The following UNC5C variants were observed in gnomAD, a reference collection of about 807,000 sequenced individuals.
UNC5C encodes the protein unc-5 netrin receptor C.
Under a neutral mutation model 99.8 loss-of-function variants are expected in UNC5C, and 47 were observed. The observed-to-expected ratio is 0.47, with a 90% CI of 0.37 to 0.60. The LOEUF is 0.60. UNC5C is among the 20% of genes least tolerant of loss of function. The pLI, the probability that UNC5C is intolerant of heterozygous loss-of-function variation, is 0.00. For missense variants in UNC5C, 1,062 were observed against 1,165.9 expected, an observed-to-expected ratio of 0.91 and a Z score of 1.30; for synonymous variants, 487 against 452.2, an observed-to-expected ratio of 1.08 and a Z score of -0.98.
chr4:95,278,435 T>C, intron 3 of UNC5C, 73 bp from the exon 4 acceptor site: 2 of 1,254,816 alleles, frequency 1.6e-6, no homozygotes, highest in Non-Finnish European at 2.3e-6. Context: ...GTACAAAAAA[T>C]TTTCTGGCTT....
chr4:95,254,921 G>A (rs138397806), intron 4 of UNC5C, among the ~76,000 whole-genome samples: 18 of 151,780 alleles, frequency 1.2e-4, no homozygotes, highest in Non-Finnish European at 2.1e-4. Context: ...TACTGTCAAT[G>A]CTCTCATCCC....
rs926281740 is a variant in UNC5C, at chr4:95,166,810, G to A, written c.*2424C>T. ...CTCCTCCTCCTTTTAAAAAATGTGT[G>A]TGTATAACTGCGTGTATATATATTT... On this transcript the variant is annotated 3_prime_UTR_variant, in exon 16 of 16. Transcript: ENST00000453304. 1.3e-5 allele frequency: 2 copies of A among 152,118 alleles called. No individual in the cohort carries two copies. The highest frequency in any genetic ancestry group is 4.8e-5 in the African/African-American group (2 of 41,442). 9.4% of individuals were successfully genotyped at this position (152,118 alleles called of 1,614,324 possible).
intron 7 of UNC5C, among the ~76,000 whole-genome samples, chr4:95,226,362 C>T (rs1738689163): frequency 6.6e-6 from 1 of 152,164 alleles, no homozygotes; most frequent in Non-Finnish European, 1.5e-5. Context: ...TGAATACTTA[C>T]ATCTAGAGCT....
intron 12 of UNC5C, among the ~76,000 whole-genome samples, chr4:95,192,087 A>C (rs1217409137): frequency 4.2e-5 from 3 of 70,932 alleles, no homozygotes; most frequent in African/African-American, 1.2e-4. Context: ...TCCTTTGCTC[A>C]CCTTCCTCCC....
chr4:95,287,497 G>A (rs887945029), intron 3 of UNC5C, among the ~76,000 whole-genome samples: 4 of 152,226 alleles, frequency 2.6e-5, no homozygotes, highest in Non-Finnish European at 5.9e-5. Flanking sequence ...GCAGGAAACA[G>A]TTAAGAGTGG....
intron 3 of UNC5C, among the ~76,000 whole-genome samples, chr4:95,281,029 G>T (rs1741038436): frequency 1.3e-5 from 2 of 152,150 alleles, no homozygotes; most frequent in South Asian, 4.1e-4. Flanking sequence ...AATAAAAAGA[G>T]CAGCAGTGAA....
chr4:95,192,500 C>G, intron 12 of UNC5C, among the ~76,000 whole-genome samples: 1 of 135,888 alleles, frequency 7.4e-6, no homozygotes, highest in African/African-American at 2.7e-5. Context: ...CCCTTCTCAC[C>G]TCTCCTCCCC....
chr4:95,325,261 C>A (rs980817962), intron 2 of UNC5C, among the ~76,000 whole-genome samples: 3 of 152,078 alleles, frequency 2.0e-5, no homozygotes, highest in Admixed American at 6.5e-5. Context: ...GAATGACAAC[C>A]ACTTGGAAAA....
At chr4:95,545,760 A>ATG (rs1560501241) in intron 1 of UNC5C, among the ~76,000 whole-genome samples, 3 of 143,464 alleles carry the variant, frequency 2.1e-5, no homozygotes, top group African/African-American at 8.1e-5. Context: ...TCTCACACAC[A>ATG]CGCGCGCGCG....
chr4:95,244,736 G>A (rs1739439003), intron 6 of UNC5C, among the ~76,000 whole-genome samples: 1 of 152,088 alleles, frequency 6.6e-6, no homozygotes, highest in African/African-American at 2.4e-5. Flanking sequence ...AATATAAAGG[G>A]ATTATATCCA....
chr4:95,190,489 T>A (rs1737035886), intron 12 of UNC5C, among the ~76,000 whole-genome samples: 1 of 151,816 alleles, frequency 6.6e-6, no homozygotes. Context: ...TAAAGTAGAA[T>A]AAAAAAATTT....
chr4:95,522,623 T>C (rs1722389382), intron 1 of UNC5C, among the ~76,000 whole-genome samples: 1 of 152,210 alleles, frequency 6.6e-6, no homozygotes, highest in South Asian at 2.1e-4. Context: ...AATTAGTCTT[T>C]AAAAGTTCAG....
intron 1 of UNC5C, among the ~76,000 whole-genome samples, chr4:95,497,779 G>A (rs1199930844): frequency 6.6e-6 from 1 of 151,960 alleles, no homozygotes; most frequent in Non-Finnish European, 1.5e-5. Context: ...TAGCAAAGGT[G>A]AAAAGCATAA....
chr4:95,386,548 A>C (rs944848157), intron 1 of UNC5C, among the ~76,000 whole-genome samples: 3 of 152,232 alleles, frequency 2.0e-5, no homozygotes, highest in Non-Finnish European at 4.4e-5. Context: ...AAGTTAAGAC[A>C]TGAATGGCTT....
intron 1 of UNC5C, among the ~76,000 whole-genome samples, chr4:95,491,420 T>C (rs781394224): frequency 1.5e-4 from 23 of 151,632 alleles, no homozygotes; most frequent in Non-Finnish European, 2.7e-4. Flanking sequence ...ATGAACATTT[T>C]AAAGACTTAC....
intron 1 of UNC5C, among the ~76,000 whole-genome samples, chr4:95,408,844 A>G (rs1448218570): frequency 6.6e-6 from 1 of 152,182 alleles, no homozygotes; most frequent in African/African-American, 2.4e-5. Context: ...AACCTTAAGT[A>G]TAACATGGAA....
intron 1 of UNC5C, among the ~76,000 whole-genome samples, chr4:95,353,816 CTAAA>C (rs1744072629): frequency 1.3e-5 from 2 of 151,898 alleles, no homozygotes; most frequent in South Asian, 2.1e-4. Context: ...TATATTTTAA[CTAAA>C]TAACCATTTA....
At chr4:95,468,128 GTTT>G (rs36112534) in intron 1 of UNC5C, among the ~76,000 whole-genome samples, 2 of 140,566 alleles carry the variant, frequency 1.4e-5, no homozygotes, top group Non-Finnish European at 1.5e-5. Flanking sequence ...TGTTTTTTGG[GTTT>G]TTTTTTTTTT....
intron 14 of UNC5C, among the ~76,000 whole-genome samples, chr4:95,174,122 T>A (rs1480450526): frequency 6.6e-6 from 1 of 152,200 alleles, no homozygotes; most frequent in Non-Finnish European, 1.5e-5. Flanking sequence ...TCTATTTGAT[T>A]CTTCTCTCTT....
Sources: allele counts gnomAD v4.1 joint callset (sites outside exome capture counted in the v4.1 genomes callset), GRCh38; gene constraint gnomAD v4.1.1; transcripts MANE v1.5; gene names NCBI Gene and HGNC (gene_info 2026-07-23, HGNC 2026-07-21).